ARHGEF18: variants seen among roughly 807,000 people sequenced by gnomAD.
The protein encoded by ARHGEF18 is rho guanine nucleotide exchange factor 18.
Under a neutral mutation model 155.7 loss-of-function variants are expected in ARHGEF18, and 93 were observed. The observed-to-expected ratio is 0.60, with a 90% CI of 0.50 to 0.71. ARHGEF18 has a LOEUF of 0.71. Ranked by LOEUF, ARHGEF18 falls within the 30% of genes least tolerant of loss-of-function variation. The pLI is 0.00. For missense variants in ARHGEF18, 1,593 were observed against 1,816.1 expected, an observed-to-expected ratio of 0.88 and a Z score of 2.23; for synonymous variants, 742 against 753.1, an observed-to-expected ratio of 0.99 and a Z score of 0.24.
chr19:7,379,616 G>A (rs1402659065), intron 7 of ARHGEF18, among the ~76,000 whole-genome samples: 6 of 152,138 alleles, frequency 3.9e-5, no homozygotes, highest in Non-Finnish European at 8.8e-5. Context: ...GGCAGAAGAG[G>A]AGGGAGGAGG....
At position 7,469,001 on chromosome 19, in the gene ARHGEF18, C is replaced by T. The variant is rs139453763; in HGVS notation, c.3657C>T (p.Leu1219=). The T allele has an allele frequency of 4.3e-5, 68 of 1,596,926 alleles. No individual in the cohort carries two copies. Among genetic ancestry groups the T allele is most frequent in the African/African-American group, 1.5e-4 (11 of 74,650 alleles). ...AGAGCGATGTGCCCATCCAGCTGCT[C>T]AGCGCCACCAACCAGTTCCAGAGGC... ...LAKSDVPIQL[L]SATNQFQRQA... Residue 1219 remains leucine (L), a synonymous_variant, in exon 27 of 29, where the codon CTC becomes CTT. Coordinates refer to ENST00000668164, the MANE Select transcript of ARHGEF18 (RefSeq NM_001367823.1).
chr19:7,386,516 G>GC (rs1424367277), intron 10 of ARHGEF18, among the ~76,000 whole-genome samples: 1 of 151,966 alleles, frequency 6.6e-6, no homozygotes, highest in Non-Finnish European at 1.5e-5. Flanking sequence ...TCCAGGGATA[G>GC]CCTCTCCGAA....
chr19:7,428,070 A>C (rs538589298), intron 10 of ARHGEF18, among the ~76,000 whole-genome samples: 26 of 152,358 alleles, frequency 1.7e-4, no homozygotes, highest in African/African-American at 5.8e-4. Context: ...AACAGTAAGA[A>C]GAATAAGATG....
At chr19:7,359,841 C>T (rs1029391879) in intron 1 of ARHGEF18, among the ~76,000 whole-genome samples, 3 of 151,796 alleles carry the variant, frequency 2.0e-5, no homozygotes, top group African/African-American at 2.4e-5. Context: ...ACCTGTTCCT[C>T]GGTCAGAAGC....
intron 10 of ARHGEF18, among the ~76,000 whole-genome samples, chr19:7,420,359 T>C (rs1356176663): frequency 6.6e-6 from 1 of 152,154 alleles, no homozygotes; most frequent in Non-Finnish European, 1.5e-5. Flanking sequence ...TTCAAGCAAT[T>C]CCCGTGCCTC....
chr19:7,412,067 G>A (rs537374266), intron 10 of ARHGEF18, among the ~76,000 whole-genome samples: 5 of 148,022 alleles, frequency 3.4e-5, no homozygotes, highest in South Asian at 4.3e-4. Context: ...ATGGAGTCTC[G>A]CTCTGTCACG....
At chr19:7,414,225 C>T (rs931500524) in intron 10 of ARHGEF18, among the ~76,000 whole-genome samples, 1 of 141,068 alleles carries the variant, frequency 7.1e-6, no homozygotes, top group African/African-American at 2.6e-5. Flanking sequence ...CCAGACTCTG[C>T]CAAATGACCC....
downstream of ARHGEF18, chr19:7,473,432 G>T: frequency 2.6e-6 from 1 of 388,428 alleles, no homozygotes; most frequent in African/African-American, 2.1e-5. Flanking sequence ...GGGAGGCGGG[G>T]GCTGAGGCAG....
At chr19:7,451,790 C>T (rs953538018) in intron 16 of ARHGEF18, among the ~76,000 whole-genome samples, 38 of 151,678 alleles carry the variant, frequency 2.5e-4, no homozygotes, top group African/African-American at 7.5e-4. Context: ...GGCACGATCT[C>T]GGCTCACTGC....
Position 7,469,025 on chromosome 19 carries a change from G to A in ARHGEF18, c.3681G>A (p.Arg1227=), listed in dbSNP as rs763564229. 3 of 1,600,002 alleles carry A rather than the reference G, an allele frequency of 1.9e-6. No homozygotes were observed. The highest frequency in any genetic ancestry group is 2.6e-6 in the Non-Finnish European group (3 of 1,174,578). The part of the protein sequence containing the change: ...QLLSATNQFQ[R]QAAVQQQIPT... ...TCAGCGCCACCAACCAGTTCCAGAG[G>A]CAGGCGGCCGTGCAGCAGCAGATCC... is the stretch of plus-strand genomic sequence containing the variant. The change falls in exon 27 of 29, where the codon AGG becomes AGA. Residue 1227 remains arginine, a synonymous_variant. Transcript: ENST00000668164.
rs72215888 is a variant in ARHGEF18 at position 7,470,516 on chromosome 19, C to CT, written c.*231dup. The CT allele has an allele frequency of 0.13, 42,032 of 317,432 alleles. 1,122 individuals are homozygous for CT. The highest frequency in any genetic ancestry group is 0.24 in the African/African-American group (10,762 of 44,976). 19.7% of individuals were successfully genotyped at this position (317,432 alleles called of 1,614,324 possible). A position where few individuals can be genotyped will look rare whatever the true frequency, so the allele number is the denominator to read the frequency against. On this transcript the variant is annotated 3_prime_UTR_variant, in exon 29 of 29. Transcript: ENST00000668164. The surrounding 1 kb of genome is among the most constrained non-coding windows in gnomAD (Gnocchi z 5.9). Reference sequence around the variant, plus strand: ...GGTGCCGGGGTCACTTTCTGAATCTCTTTTTTTTTTTTTCAAAAAGGAAAG... The same window carrying CT: ...GGTGCCGGGGTCACTTTCTGAATCTCTTTTTTTTTTTTTTCAAAAAGGAAAG...
At chr19:7,378,710 T>TTTTG (rs1970584559) in intron 6 of ARHGEF18, among the ~76,000 whole-genome samples, 1 of 126,004 alleles carries the variant, frequency 7.9e-6, no homozygotes, top group East Asian at 2.2e-4. Context: ...TTTTTTTTTT[T>TTTTG]GAGATAGGGT....
chr19:7,475,525 AACACACACACACACACACAACC>A (rs1263601434), downstream of ARHGEF18, among the ~76,000 whole-genome samples: 1 of 150,342 alleles, frequency 6.7e-6, no homozygotes, highest in Non-Finnish European at 1.5e-5. Context: ...AAACTGTTTA[AACACACACACACACACACAACC>A]ACACACACAC....
chr19:7,387,287 G>A (rs1468911067), intron 10 of ARHGEF18, among the ~76,000 whole-genome samples: 1 of 151,956 alleles, frequency 6.6e-6, no homozygotes, highest in Non-Finnish European at 1.5e-5. Flanking sequence ...CAAGTAGCTG[G>A]GACTACAGGT....
At chr19:7,356,474 A>C (rs1300251177) in intron 1 of ARHGEF18, among the ~76,000 whole-genome samples, 1 of 151,928 alleles carries the variant, frequency 6.6e-6, no homozygotes, top group Non-Finnish European at 1.5e-5. Flanking sequence ...GGGTTTCACC[A>C]TGTTGATCAG....
intron 10 of ARHGEF18, among the ~76,000 whole-genome samples, chr19:7,437,738 G>A (rs1251798177): frequency 6.6e-6 from 1 of 151,150 alleles, no homozygotes; most frequent in Non-Finnish European, 1.5e-5. Context: ...CTGCCTCCCG[G>A]GTTCAAGCGA....
At chr19:7,428,480 ACTC>A (rs1481286268) in intron 10 of ARHGEF18, among the ~76,000 whole-genome samples, 1 of 151,364 alleles carries the variant, frequency 6.6e-6, no homozygotes, top group Non-Finnish European at 1.5e-5. Flanking sequence ...GTAGCCTCGA[ACTC>A]CTGGCCTCCA....
Position 7,462,867 on chromosome 19 carries a change from C to T in ARHGEF18, c.2635+533C>T, listed in dbSNP as rs1600533314. ...TTTTTTTTTTTTTGAGATGGAGTCTCGCTTTGTCACCCAGGCTGGAGTGCA... is the reference window on the plus strand; with the variant it reads ...TTTTTTTTTTTTTGAGATGGAGTCTTGCTTTGTCACCCAGGCTGGAGTGCA... On this transcript the variant is annotated intron_variant, in intron 21 of 28. Transcript: ENST00000668164. This position sits in a 1 kb window ranked among gnomAD's most constrained non-coding sequence, Gnocchi z 4.4. 1.4e-5 allele frequency among the ~76,000 whole-genome samples: 2 copies of T among 141,006 alleles called. No individual in the cohort carries two copies. Among genetic ancestry groups the T allele is most frequent in the African/African-American group, 2.7e-5 (1 of 37,376 alleles). 92.5% of individuals were successfully genotyped at this position (141,006 alleles called of 152,430 possible).
At chr19:7,354,044 C>T (rs2145311311) in intron 1 of ARHGEF18, among the ~76,000 whole-genome samples, 1 of 152,160 alleles carries the variant, frequency 6.6e-6, no homozygotes, top group East Asian at 1.9e-4. Flanking sequence ...GGTGCCATGG[C>T]TCACGCCTGT....
Sources: gnomAD v4.1 joint callset for allele counts (sites outside exome capture counted in the v4.1 genomes callset) on GRCh38, gnomAD v4.1.1 for gene constraint, Gnocchi (gnomAD v3.1) non-coding constraint, MANE v1.5 for transcripts, NCBI Gene and HGNC (gene_info 2026-07-23, HGNC 2026-07-21) for gene names.